Variants in EPHA3 observed in about 807,000 individuals in gnomAD.
EPHA3 encodes the protein ephrin type-A receptor 3.
EPHA3 carries 42 observed loss-of-function variants against 107.1 expected under a neutral mutation model. That is an observed-to-expected ratio of 0.39 (90% CI 0.31 to 0.51). The LOEUF is 0.51. Ranked by LOEUF, EPHA3 falls within the 20% of genes least tolerant of loss-of-function variation. The pLI is 0.78. For missense variants in EPHA3, 1,183 were observed against 1,211.2 expected (o/e 0.98, Z 0.35); for synonymous variants, 461 against 424.8 (o/e 1.09, Z -1.05).
chr3:89,380,021 G>A (rs1323562196), intron 5 of EPHA3, among the ~76,000 whole-genome samples: 1 of 152,040 alleles, frequency 6.6e-6, no homozygotes, highest in Non-Finnish European at 1.5e-5. Context: ...GGGTTGTCAG[G>A]CATATACAAG....
At chr3:89,188,770 A>G (rs932719765) in intron 2 of EPHA3, among the ~76,000 whole-genome samples, 1 of 152,086 alleles carries the variant, frequency 6.6e-6, no homozygotes, top group Non-Finnish European at 1.5e-5. Flanking sequence ...TCTTCACATC[A>G]TTCACACCTC....
chr3:89,324,371 A>G (rs1004580684), intron 3 of EPHA3, among the ~76,000 whole-genome samples: 2 of 151,574 alleles, frequency 1.3e-5, no homozygotes, highest in African/African-American at 4.8e-5. Context: ...AGGTTTCCCC[A>G]TGTTGGCCAG....
At chr3:89,260,087 CACTT>C (rs1317132108) in intron 3 of EPHA3, among the ~76,000 whole-genome samples, 1 of 152,186 alleles carries the variant, frequency 6.6e-6, no homozygotes. Flanking sequence ...TGTCAACAGA[CACTT>C]AGGTTGTTTC....
At chr3:89,433,435 G>T (rs1365366130) in intron 13 of EPHA3, among the ~76,000 whole-genome samples, 1 of 152,024 alleles carries the variant, frequency 6.6e-6, no homozygotes, top group African/African-American at 2.4e-5. Context: ...AAGTAAAGCC[G>T]CAATAATAGA....
At chr3:89,116,151 T>C (rs1250279115) in intron 1 of EPHA3, among the ~76,000 whole-genome samples, 1 of 152,172 alleles carries the variant, frequency 6.6e-6, no homozygotes, top group East Asian at 1.9e-4. Flanking sequence ...TCTTCACACG[T>C]TCTTACCTCT....
At chr3:89,409,860 C>A (rs151289571) in intron 9 of EPHA3, among the ~76,000 whole-genome samples, 1 of 152,022 alleles carries the variant, frequency 6.6e-6, no homozygotes, top group Admixed American at 6.6e-5. Context: ...TCTGGCTGGG[C>A]CTTTTTACTT....
At chr3:89,414,022 T>A (rs544066207) in intron 10 of EPHA3, among the ~76,000 whole-genome samples, 1 of 151,674 alleles carries the variant, frequency 6.6e-6, no homozygotes, top group South Asian at 2.1e-4. Flanking sequence ...CAATAAAAAA[T>A]TTTGTACCAT....
intron 8 of EPHA3, 87 bp downstream of exon 8, chr3:89,407,458 C>A: frequency 9.6e-7 from 1 of 1,040,688 alleles, no homozygotes; most frequent in Non-Finnish European, 1.5e-6. Flanking sequence ...AGAGTGTGCT[C>A]AATAAAATAT....
chr3:89,357,084 GT>G (rs1707976409), intron 5 of EPHA3, among the ~76,000 whole-genome samples: 1 of 116,010 alleles, frequency 8.6e-6, no homozygotes, highest in Non-Finnish European at 1.7e-5. Flanking sequence ...CTCCAGCCTG[GT>G]GAAAGAGTGA....
chr3:89,400,189 TTTC>T, intron 7 of EPHA3: 1 of 441,820 alleles, frequency 2.3e-6, no homozygotes, highest in Non-Finnish European at 2.9e-6. Context: ...TTTTTCTTTC[TTTC>T]TTTTTTTTTT....
Position 89,395,735 on chromosome 3 carries a change from A to G in EPHA3, c.1307-102A>G, listed in dbSNP as rs1337484384. 8 of 1,366,168 alleles carry G rather than the reference A, an allele frequency of 5.9e-6. No homozygotes were observed. In the East Asian group the frequency reaches 1.6e-4, roughly 28 times the overall value. 84.6% of individuals were successfully genotyped at this position (1,366,168 alleles called of 1,614,324 possible). On this transcript the variant is annotated intron_variant, in intron 5 of 16. Coordinates refer to ENST00000336596, the MANE Select transcript of EPHA3 (RefSeq NM_005233.6). ...TGCCAAAAAACTGGAACAATGATAG[A>G]CTCCATTTGCATGTTCCCTTCTCCC...
chr3:89,361,210 G>A (rs905801899), intron 5 of EPHA3, among the ~76,000 whole-genome samples: 1 of 150,878 alleles, frequency 6.6e-6, no homozygotes, highest in South Asian at 2.1e-4. Context: ...AGGCCTTCTT[G>A]TATCCTTTGC....
chr3:89,362,506 C>T (rs73846156), intron 5 of EPHA3, among the ~76,000 whole-genome samples: 4,821 of 151,204 alleles, frequency 0.032, 307 homozygotes, highest in African/African-American at 0.11. Flanking sequence ...CACCTGCACA[C>T]AGCCTACACT....
At chr3:89,281,249 T>C (rs1479859154) in intron 3 of EPHA3, among the ~76,000 whole-genome samples, 1 of 152,162 alleles carries the variant, frequency 6.6e-6, no homozygotes, top group African/African-American at 2.4e-5. Flanking sequence ...GGTCTCGAAC[T>C]CCTGAGCTCA....
At chr3:89,323,903 T>A (rs1282903195) in intron 3 of EPHA3, among the ~76,000 whole-genome samples, 1 of 152,080 alleles carries the variant, frequency 6.6e-6, no homozygotes, top group Non-Finnish European at 1.5e-5. Context: ...GAAGCCTATG[T>A]GACAAAGAAA....
intron 5 of EPHA3, among the ~76,000 whole-genome samples, chr3:89,378,927 A>G (rs776071186): frequency 6.6e-6 from 1 of 152,214 alleles, no homozygotes; most frequent in South Asian, 2.1e-4. Context: ...AATGGCAAAA[A>G]TAAGTATTGA....
chr3:89,210,263 T>G lies in EPHA3; in HGVS notation c.557T>G (p.Val186Gly). 3.7e-6 allele frequency: 6 copies of G among 1,613,984 alleles called. No homozygotes were observed. The highest frequency in any genetic ancestry group is 5.1e-6 in the Non-Finnish European group (6 of 1,179,932). ...KKGFYLAFQD[V>G]GACVALVSVR... ...GGATTTTATTTGGCATTTCAAGATG[T>G]TGGTGCTTGTGTTGCCTTGGTGTCT... The change falls in exon 3 of 17, where the codon GTT becomes GGT. Residue 186 changes from valine (V) to glycine (G), a missense_variant. Physicochemically the swap from Val to Gly is moderately radical, Grantham distance 109 (BLOSUM62 -3). Coordinates refer to ENST00000336596, the MANE Select transcript of EPHA3 (RefSeq NM_005233.6).
chr3:89,219,378 G>C (rs1704293627), intron 3 of EPHA3, among the ~76,000 whole-genome samples: 1 of 151,930 alleles, frequency 6.6e-6, no homozygotes, highest in South Asian at 2.1e-4. Context: ...GGTCAGGCTG[G>C]TCTCAAACTC....
Position 89,342,070 on chromosome 3 carries a change from G to T in EPHA3, c.1286G>T (p.Ser429Ile), listed in dbSNP as rs750191873. The change falls in exon 5 of 17, where the codon AGC (serine) becomes ATC (isoleucine). Residue 429 changes from serine (S) to isoleucine (I), a missense_variant. By Grantham distance (142) the Ser-to-Ile change is moderately radical. Coordinates refer to ENST00000336596, the MANE Select transcript of EPHA3 (RefSeq NM_005233.6). ...SSPPRQFAAV[S>I]ITTNQAAPSP... ...CCACCAAGACAGTTTGCTGCGGTCA[G>T]CATCACAACTAATCAGGCTGGTGAG... 3.7e-6 allele frequency: 6 copies of T among 1,609,986 alleles called. No individual in the cohort carries two copies. The highest frequency in any genetic ancestry group is 5.1e-6 in the Non-Finnish European group (6 of 1,179,098).
Sources: allele counts gnomAD v4.1 joint callset (sites outside exome capture counted in the v4.1 genomes callset), GRCh38; gene constraint gnomAD v4.1.1; transcripts MANE v1.5; gene names NCBI Gene and HGNC (gene_info 2026-07-23, HGNC 2026-07-21).